The following CHRNB4 variants were observed in gnomAD, a reference collection of about 807,000 sequenced individuals.
CHRNB4 encodes the protein cholinergic receptor nicotinic beta 4 subunit.
CHRNB4 carries 23 observed loss-of-function variants against 40.4 expected under a neutral mutation model. That is an observed-to-expected ratio of 0.57 (90% CI 0.41 to 0.81). The LOEUF is 0.81. CHRNB4 is among the 30% of genes least tolerant of loss of function. CHRNB4 has a pLI of 0.00. For synonymous variants in CHRNB4, 285 were observed against 274.4 expected, an observed-to-expected ratio of 1.04 and a Z score of -0.38; for missense variants, 568 against 670.6, an observed-to-expected ratio of 0.85 and a Z score of 1.69.
chr15:78,635,556 C>CT lies in CHRNB4; in HGVS notation c.86dup (p.Leu30AlafsTer13). The CT allele has an allele frequency of 8.1e-6, 13 of 1,614,176 alleles. No homozygotes were observed. Among genetic ancestry groups the CT allele is most frequent in the Non-Finnish European group, 1.1e-5 (13 of 1,180,022 alleles). Reference sequence around the variant, plus strand: ...TTTTGTTCAGAAGGTCGTCCATCAGCTTTTCCTCCGCATTGGCCACGCGGC... The same window carrying CT: ...TTTTGTTCAGAAGGTCGTCCATCAGCTTTTTCCTCCGCATTGGCCACGCGGC... On this transcript the variant is annotated frameshift_variant, in exon 2 of 6. Coordinates refer to ENST00000261751, the MANE Select transcript of CHRNB4 (RefSeq NM_000750.5). LOFTEE classifies it high-confidence loss of function.
At chr15:78,628,309 C>T (rs192973719) in intron 5 of CHRNB4, 20 of 152,394 alleles carry the variant, frequency 1.3e-4, no homozygotes, top group African/African-American at 4.6e-4. Flanking sequence ...CAAGTCTGAA[C>T]AGAATAGGGC....
intron 5 of CHRNB4, 58 bp downstream of exon 5, chr15:78,628,909 T>G: frequency 6.5e-7 from 1 of 1,539,792 alleles, no homozygotes; most frequent in African/African-American, 1.4e-5. Flanking sequence ...GGGAAGCTGG[T>G]GCTACTATCT....
chr15:78,638,180 C>T (rs941493288), intron 1 of CHRNB4, among the ~76,000 whole-genome samples: 3 of 152,328 alleles, frequency 2.0e-5, no homozygotes, highest in East Asian at 1.9e-4. Context: ...GGCTCCCAAG[C>T]GCAGGGCTGC....
At chr15:78,635,948 C>T (rs902141818) in intron 1 of CHRNB4, among the ~76,000 whole-genome samples, 20 of 152,094 alleles carry the variant, frequency 1.3e-4, no homozygotes, top group African/African-American at 3.4e-4. Context: ...CACTCTGTTG[C>T]CCAGGCTGGA....
At chr15:78,644,210 A>G (rs1258939475), upstream of CHRNB4, among the ~76,000 whole-genome samples, 2 of 151,730 alleles carry the variant, frequency 1.3e-5, no homozygotes, top group Non-Finnish European at 2.9e-5. Flanking sequence ...ACCTTAGAAT[A>G]TATCTAGCAA....
At chr15:78,645,314 C>G (rs1038280543), upstream of CHRNB4, among the ~76,000 whole-genome samples, 2 of 152,240 alleles carry the variant, frequency 1.3e-5, no homozygotes, top group South Asian at 4.2e-4. Context: ...GCCCACATTT[C>G]CCCCCAGCTC....
upstream of CHRNB4, chr15:78,661,399 C>A: frequency 1.9e-6 from 1 of 523,840 alleles, no homozygotes; most frequent in Non-Finnish European, 3.7e-6. Flanking sequence ...GGCCAGGAAG[C>A]TTCATCTTCC....
At chr15:78,636,137 C>T (rs2053944819) in intron 1 of CHRNB4, among the ~76,000 whole-genome samples, 1 of 152,112 alleles carries the variant, frequency 6.6e-6, no homozygotes, top group South Asian at 2.1e-4. Context: ...GAACTCCTGG[C>T]CTCAGGTGAT....
At chr15:78,627,598 G>A (rs1217920110) in intron 5 of CHRNB4, 1 of 152,148 alleles carries the variant, frequency 6.6e-6, no homozygotes, top group Non-Finnish European at 1.5e-5. Flanking sequence ...TGTCCATGCA[G>A]CTGCACAGGG....
intron 2 of CHRNB4, 151 bp downstream of exon 2, chr15:78,635,288 C>A (rs2053924369): frequency 2.2e-6 from 2 of 896,386 alleles, no homozygotes; most frequent in Non-Finnish European, 3.3e-6. Context: ...CACCTATGAA[C>A]TTCATGGACC....
upstream of CHRNB4, among the ~76,000 whole-genome samples, chr15:78,643,241 T>C (rs2054096960): frequency 6.6e-6 from 1 of 151,750 alleles, no homozygotes; most frequent in South Asian, 2.1e-4. Context: ...ATCAGATAAT[T>C]CACTATTAGC....
upstream of CHRNB4, chr15:78,641,271 AGAGCCCCGCC>A (rs375047933): frequency 6.9e-6 from 5 of 720,292 alleles, no homozygotes; most frequent in Non-Finnish European, 8.2e-6. Context: ...GACCCCGCGG[AGAGCCCCGCC>A]GAGCCCCGCC....
Position 78,631,347 on chromosome 15 carries a change from G to T in CHRNB4, c.205-15C>A. 1.9e-6 allele frequency: 3 copies of T among 1,612,380 alleles called. No homozygotes were observed. The South Asian group carries it at 3.3e-5, about 18-fold the overall frequency. On this transcript the variant is annotated splice_polypyrimidine_tract_variant and intron_variant, in intron 2 of 5. Coordinates refer to ENST00000261751, the MANE Select transcript of CHRNB4 (RefSeq NM_000750.5). ...TCTCGCTCATTCTGGGGAGGGAAAC[G>T]GGGCTATCAGTTCACCAGGAAGGAG...
intron 2 of CHRNB4, among the ~76,000 whole-genome samples, chr15:78,657,759 A>T (rs12915669): frequency 2.7e-4 from 41 of 151,862 alleles, no homozygotes; most frequent in African/African-American, 9.2e-4. Flanking sequence ...TCACTGTGTT[A>T]GCCAGGATAG....
rs757553303 is a variant in CHRNB4, at chr15:78,625,104, A to G, written c.*29T>C. ...GCAAAGTGCCCACCCGGCCACTCACATCCTCTCACCCCACAACCCAGGGGG... is the reference window on the plus strand; with the variant it reads ...GCAAAGTGCCCACCCGGCCACTCACGTCCTCTCACCCCACAACCCAGGGGG... On this transcript the variant is annotated 3_prime_UTR_variant, in exon 6 of 6. Coordinates refer to ENST00000261751, the MANE Select transcript of CHRNB4 (RefSeq NM_000750.5). 22 of 1,613,736 alleles carry G rather than the reference A, an allele frequency of 1.4e-5. No homozygotes were observed. The highest frequency in any genetic ancestry group is 2.2e-5 in the South Asian group (2 of 91,092).
At position 78,631,347 on chromosome 15, in the gene CHRNB4, G is replaced by A. The variant is rs757461468; in HGVS notation, c.205-15C>T. The A allele has an allele frequency of 9.3e-6, 15 of 1,612,380 alleles. No individual in the cohort carries two copies. Among genetic ancestry groups the A allele is most frequent in the African/African-American group, 5.3e-5 (4 of 74,974 alleles). On this transcript the variant is annotated splice_polypyrimidine_tract_variant and intron_variant, in intron 2 of 5. Coordinates refer to ENST00000261751, the MANE Select transcript of CHRNB4 (RefSeq NM_000750.5). ...TCTCGCTCATTCTGGGGAGGGAAAC[G>A]GGGCTATCAGTTCACCAGGAAGGAG...
intron 5 of CHRNB4, among the ~76,000 whole-genome samples, chr15:78,653,387 G>A (rs991097154): frequency 1.2e-4 from 18 of 152,086 alleles, no homozygotes; most frequent in African/African-American, 4.1e-4. Context: ...TGGAAAAGCC[G>A]GCCCTGATTC....
At chr15:78,659,299 T>C (rs578025316) in intron 1 of CHRNB4, among the ~76,000 whole-genome samples, 1 of 152,188 alleles carries the variant, frequency 6.6e-6, no homozygotes, top group African/African-American at 2.4e-5. Context: ...CTGGGTATGA[T>C]GGTTCATGCC....
At chr15:78,659,283 C>T (rs886386096) in intron 1 of CHRNB4, among the ~76,000 whole-genome samples, 1 of 151,870 alleles carries the variant, frequency 6.6e-6, no homozygotes. Context: ...AACAAACAAA[C>T]GCTAGCTGGG....
Sources: gnomAD v4.1 joint callset for allele counts (sites outside exome capture counted in the v4.1 genomes callset) on GRCh38, gnomAD v4.1.1 for gene constraint, MANE v1.5 for transcripts, NCBI Gene and HGNC (gene_info 2026-07-23, HGNC 2026-07-21) for gene names.